The following COL4A5 variants were observed in gnomAD, a reference collection of about 807,000 sequenced individuals.
COL4A5 encodes collagen type IV alpha 5 chain.
Under a neutral mutation model 130.2 loss-of-function variants are expected in COL4A5, and 26 were observed. That is an observed-to-expected ratio of 0.20 (90% CI 0.15 to 0.28). The LOEUF is 0.28. COL4A5 is among the 10% of genes least tolerant of loss of function. The probability of loss-of-function intolerance (pLI) is 1.00; values close to 1 mark genes in which losing one functional copy is unlikely to be tolerated. For synonymous variants in COL4A5, 496 were observed against 439.6 expected (o/e 1.13, Z -1.60); for missense variants, 1,131 against 1,344.3 (o/e 0.84, Z 2.48).
intron 42 of COL4A5, among the ~76,000 whole-genome samples, chrX:108,672,527 A>G (rs368552151): frequency 3.6e-4 from 40 of 112,219 alleles, no homozygotes; most frequent in African/African-American, 1.2e-3. Flanking sequence ...ATTCATCAGT[A>G]TACCTTTAGT....
chrX:108,458,977 C>CA (rs60364374), intron 1 of COL4A5, among the ~76,000 whole-genome samples: 301 of 95,111 alleles, frequency 3.2e-3, no homozygotes, highest in East Asian at 6.3e-3. Flanking sequence ...GACTCCGTCT[C>CA]AAAAAAAAAA....
At chrX:108,482,138 G>A (rs986072127) in intron 1 of COL4A5, among the ~76,000 whole-genome samples, 1 of 111,768 alleles carries the variant, frequency 8.9e-6, no homozygotes, top group Middle Eastern at 4.6e-3. Flanking sequence ...CCAACTCTGT[G>A]TTCCTTCCAC....
At chrX:108,681,375 G>T (rs113197795) in intron 46 of COL4A5, among the ~76,000 whole-genome samples, 124 of 109,238 alleles carry the variant, frequency 1.1e-3, no homozygotes, top group African/African-American at 3.7e-3. Flanking sequence ...AGATCAAAGG[G>T]TCCCTGGACA....
Position 108,473,633 on chromosome X carries a change from A to ATATATATATATATATATATTTTT in COL4A5, c.81+33428_81+33429insATATATATATATATATATTTTTT. Among the ~76,000 whole-genome samples, 14 of 34,556 alleles carry ATATATATATATATATATATTTTT rather than the reference A, an allele frequency of 4.1e-4. 1 individual carries two copies. The highest frequency in any genetic ancestry group is 1.3e-3 in the South Asian group (1 of 767). The allele number at this position is 34,556 out of a possible 115,157, so 30.0% of individuals were successfully genotyped here. On this transcript the variant is annotated intron_variant, in intron 1 of 52. Transcript: ENST00000328300. ...TATATGTATATATATATATATATATATTTTTTTTTTTTTGAGATGAAGTCT... is the reference window on the plus strand; with the variant it reads ...TATATGTATATATATATATATATATATATATATATATATATATATTTTTTTTTTTTTTTTTTGAGATGAAGTCT...
intron 52 of COL4A5, 137 bp downstream of exon 52, chrX:108,695,576 C>G (rs1004057531): frequency 2.2e-4 from 149 of 679,031 alleles, no homozygotes; most frequent in Middle Eastern, 4.4e-4. Flanking sequence ...CTTGCTTGTT[C>G]TTCTCATATA....
intron 1 of COL4A5, among the ~76,000 whole-genome samples, chrX:108,473,309 A>T (rs2064792349): frequency 9.1e-6 from 1 of 109,565 alleles, no homozygotes; most frequent in African/African-American, 3.3e-5. Flanking sequence ...AACACAAAAA[A>T]GTTAACTGTA....
intron 1 of COL4A5, among the ~76,000 whole-genome samples, chrX:108,534,637 A>G (rs1039347054): frequency 9.0e-6 from 1 of 111,210 alleles, no homozygotes; most frequent in Admixed American, 9.6e-5. Context: ...TTAGCATATT[A>G]AAGATGTCAT....
intron 1 of COL4A5, among the ~76,000 whole-genome samples, chrX:108,442,312 G>C (rs3788922): frequency 0.23 from 25,321 of 110,711 alleles, 2,718 homozygotes; most frequent in Non-Finnish European, 0.33. Flanking sequence ...CTTTATCTCT[G>C]AAATCATGCC....
At chrX:108,647,953 CT>C (rs1480260474) in intron 36 of COL4A5, among the ~76,000 whole-genome samples, 1 of 111,330 alleles carries the variant, frequency 9.0e-6, no homozygotes, top group Non-Finnish European at 1.9e-5. Flanking sequence ...GGTGGATAAG[CT>C]TTTTGATGTG....
Position 108,597,076 on chromosome X carries a change from T to C in COL4A5, c.1587+8T>C, listed in dbSNP as rs769378322. The C allele has an allele frequency of 1.7e-6, 2 of 1,178,846 alleles. No homozygotes were observed. The highest frequency in any genetic ancestry group is 2.3e-6 in the Non-Finnish European group (2 of 871,834). On this transcript the variant is annotated splice_region_variant and intron_variant, in intron 23 of 52. Coordinates refer to ENST00000328300, the MANE Select transcript of COL4A5 (RefSeq NM_033380.3). Reference sequence around the variant, plus strand: ...GGTCCCAAAGGATTACCAGTAAGTTTTGAGTATATTATAAAACAAAAAGAA... The same window carrying C: ...GGTCCCAAAGGATTACCAGTAAGTTCTGAGTATATTATAAAACAAAAAGAA...
At chrX:108,613,770 A>G (rs1213351606) in intron 29 of COL4A5, among the ~76,000 whole-genome samples, 1 of 111,940 alleles carries the variant, frequency 8.9e-6, no homozygotes, top group Non-Finnish European at 1.9e-5. Flanking sequence ...CCTTTTTTCA[A>G]AAAGGATAAC....
chrX:108,502,379 G>A (rs2065088222), intron 1 of COL4A5, among the ~76,000 whole-genome samples: 1 of 110,949 alleles, frequency 9.0e-6, no homozygotes, highest in Admixed American at 9.6e-5. Context: ...TCTGCCTCCC[G>A]GGTTCAAGTG....
intron 1 of COL4A5, among the ~76,000 whole-genome samples, chrX:108,492,391 C>T (rs2065000573): frequency 8.9e-6 from 1 of 111,905 alleles, no homozygotes; most frequent in East Asian, 2.8e-4. Flanking sequence ...AACAAACAAA[C>T]AACTACTATA....
At chrX:108,644,930 A>C (rs1422485832) in intron 36 of COL4A5, among the ~76,000 whole-genome samples, 64 of 109,354 alleles carry the variant, frequency 5.9e-4, no homozygotes, top group African/African-American at 2.0e-3. Flanking sequence ...AAAAAAAAAA[A>C]AAAAAAAGAA....
At chrX:108,598,953 C>A in intron 25 of COL4A5, 83 bp downstream of exon 25, 1 of 993,627 alleles carries the variant, frequency 1.0e-6, no homozygotes, top group South Asian at 2.0e-5. Flanking sequence ...CTTCCTTTCC[C>A]GAGAGGTGTG....
rs992136043 is a variant in COL4A5, at chrX:108,481,630, G to A, written c.81+41424G>A. ...CTATGCTGATTGCTGCTTCGCTTTTGCTGTCCATTACGGTAGGTACACCCA... is the reference window on the plus strand; with the variant it reads ...CTATGCTGATTGCTGCTTCGCTTTTACTGTCCATTACGGTAGGTACACCCA... On this transcript the variant is annotated intron_variant, in intron 1 of 52. Transcript: ENST00000328300. 1.2e-4 allele frequency among the ~76,000 whole-genome samples: 13 copies of A among 111,588 alleles called. No homozygotes were observed. The East Asian group carries it at 3.7e-3, about 31-fold the overall frequency.
chrX:108,459,303 T>C (rs762891309), intron 1 of COL4A5, among the ~76,000 whole-genome samples: 11 of 111,576 alleles, frequency 9.9e-5, no homozygotes, highest in African/African-American at 2.6e-4. Flanking sequence ...GTCTTCACAC[T>C]CCTTTTTTTC....
chrX:108,518,125 G>T (rs1052067364), intron 1 of COL4A5, among the ~76,000 whole-genome samples: 33 of 110,979 alleles, frequency 3.0e-4, no homozygotes, highest in African/African-American at 8.8e-4. Flanking sequence ...TTTCTTATCT[G>T]CCAGTCACAG....
At chrX:108,468,835 C>T (rs2064735484) in intron 1 of COL4A5, among the ~76,000 whole-genome samples, 1 of 109,774 alleles carries the variant, frequency 9.1e-6, no homozygotes, top group Non-Finnish European at 1.9e-5. Flanking sequence ...TTTTCTTTAG[C>T]ATCTTTGGCT....
Sources: gnomAD v4.1 joint callset for allele counts (sites outside exome capture counted in the v4.1 genomes callset) on GRCh38, gnomAD v4.1.1 for gene constraint, MANE v1.5 for transcripts, NCBI Gene and HGNC (gene_info 2026-07-23, HGNC 2026-07-21) for gene names.